Variants in SGCZ observed in about 807,000 individuals in gnomAD.
SGCZ encodes the protein sarcoglycan zeta, also known as zeta-sarcoglycan.
In SGCZ, 40 loss-of-function variants were observed where a neutral mutation model predicts 41.3. That is an observed-to-expected ratio of 0.97 (90% confidence interval 0.75 to 1.26). The LOEUF (loss-of-function observed/expected upper bound fraction) is 1.26, where lower values mean the gene tolerates loss of function less well. Among genes scored for constraint, SGCZ ranks in the 50% most tolerant of loss-of-function variants. The probability of loss-of-function intolerance (pLI) is 0.00; values close to 1 mark genes in which losing one functional copy is unlikely to be tolerated. For missense variants in SGCZ, 552 were observed against 369.8 expected (o/e 1.49, Z -4.04); for synonymous variants, 206 against 137.5 (o/e 1.50, Z -3.49).
At chr8:15,050,083 G>A (rs868204676) in intron 1 of SGCZ, among the ~76,000 whole-genome samples, 3 of 152,234 alleles carry the variant, frequency 2.0e-5, no homozygotes, top group Middle Eastern at 6.8e-3. Context: ...GAGAATGTAG[G>A]CACACACAGA....
At chr8:14,496,748 T>C (rs1424206758) in intron 2 of SGCZ, among the ~76,000 whole-genome samples, 6 of 152,204 alleles carry the variant, frequency 3.9e-5, no homozygotes, top group South Asian at 2.1e-4. Context: ...ACAGGCACTC[T>C]CATGTGTTTG....
chr8:14,367,377 A>G (rs1803751407), intron 2 of SGCZ, among the ~76,000 whole-genome samples: 1 of 151,966 alleles, frequency 6.6e-6, no homozygotes, highest in Admixed American at 6.6e-5. Flanking sequence ...AACTGTTCCA[A>G]ACTCTTTGCC....
At chr8:14,182,774 C>T (rs972931004) in intron 4 of SGCZ, among the ~76,000 whole-genome samples, 11 of 151,824 alleles carry the variant, frequency 7.2e-5, no homozygotes, top group African/African-American at 2.7e-4. Context: ...TTTGGGAGGC[C>T]GAGAGGGGGC....
intron 1 of SGCZ, among the ~76,000 whole-genome samples, chr8:15,192,866 T>G (rs1223366990): frequency 6.6e-6 from 1 of 152,080 alleles, no homozygotes; most frequent in Non-Finnish European, 1.5e-5. Context: ...TTTTGTTTTA[T>G]TTTAGATATA....
chr8:14,244,225 C>T (rs1798999663), intron 3 of SGCZ, among the ~76,000 whole-genome samples: 1 of 149,932 alleles, frequency 6.7e-6, no homozygotes, highest in African/African-American at 2.5e-5. Flanking sequence ...CTTCTTCCTC[C>T]TCCTTCTCTT....
At chr8:14,831,248 T>G (rs1802516642) in intron 1 of SGCZ, among the ~76,000 whole-genome samples, 1 of 152,186 alleles carries the variant, frequency 6.6e-6, no homozygotes, top group Admixed American at 6.5e-5. Context: ...TCATGGTGTT[T>G]CAGTTGTAGA....
At chr8:14,200,472 T>C (rs1220618092) in intron 4 of SGCZ, among the ~76,000 whole-genome samples, 2 of 152,150 alleles carry the variant, frequency 1.3e-5, no homozygotes, top group Admixed American at 1.3e-4. Context: ...TAAAGAATCA[T>C]GTACAGTGCA....
intron 2 of SGCZ, among the ~76,000 whole-genome samples, chr8:14,446,095 C>T (rs1208118190): frequency 2.0e-5 from 3 of 152,104 alleles, no homozygotes; most frequent in Non-Finnish European, 2.9e-5. Context: ...GCCATTTTTT[C>T]GTACCCAAGT....
chr8:14,925,133 T>C (rs1039765429), intron 1 of SGCZ, among the ~76,000 whole-genome samples: 1 of 152,164 alleles, frequency 6.6e-6, no homozygotes, highest in African/African-American at 2.4e-5. Flanking sequence ...GCTGGGATTA[T>C]AGGCGTGAGG....
chr8:14,577,178 T>C lies in SGCZ; in HGVS notation c.40-22252A>G, dbSNP rs2410196. 5.2e-3 allele frequency among the ~76,000 whole-genome samples: 787 copies of C among 152,250 alleles called. 6 individuals carry two copies. The highest frequency in any genetic ancestry group is 9.0e-3 in the Non-Finnish European group (613 of 68,018). On this transcript the variant is annotated intron_variant, in intron 1 of 7. Coordinates refer to ENST00000382080, the MANE Select transcript of SGCZ (RefSeq NM_139167.4). ...CCAATTAACTGGACAAATAAGCCCATTGTGTTATGTGGACTTAGTATCCAT... is the reference window on the plus strand; with the variant it reads ...CCAATTAACTGGACAAATAAGCCCACTGTGTTATGTGGACTTAGTATCCAT...
At chr8:15,061,337 A>C (rs112511180) in intron 1 of SGCZ, among the ~76,000 whole-genome samples, 11,588 of 151,726 alleles carry the variant, frequency 0.076, 674 homozygotes, top group East Asian at 0.29. Flanking sequence ...GAACAATGAG[A>C]ACACATGGAC....
At chr8:14,130,168 A>G (rs183504886) in intron 5 of SGCZ, among the ~76,000 whole-genome samples, 1 of 152,232 alleles carries the variant, frequency 6.6e-6, no homozygotes, top group East Asian at 1.9e-4. Context: ...TTAAAAAGAA[A>G]CTCACAAATA....
intron 1 of SGCZ, among the ~76,000 whole-genome samples, chr8:14,583,582 T>C (rs1804965658): frequency 6.6e-6 from 1 of 152,152 alleles, no homozygotes; most frequent in African/African-American, 2.4e-5. Flanking sequence ...TCCTTGCCCA[T>C]GCCTATGTCC....
At chr8:15,005,249 G>A (rs1802562525) in intron 1 of SGCZ, among the ~76,000 whole-genome samples, 2 of 151,792 alleles carry the variant, frequency 1.3e-5, no homozygotes, top group African/African-American at 2.4e-5. Context: ...ATCTCAAAAT[G>A]ATGGTAGCAG....
chr8:14,795,291 T>C (rs764959692), intron 1 of SGCZ, among the ~76,000 whole-genome samples: 3 of 152,200 alleles, frequency 2.0e-5, no homozygotes, highest in African/African-American at 7.2e-5. Context: ...TTACTTAACA[T>C]AGAAGAAAAT....
At chr8:14,957,133 A>G (rs918412399) in intron 1 of SGCZ, among the ~76,000 whole-genome samples, 3 of 152,198 alleles carry the variant, frequency 2.0e-5, no homozygotes, top group Non-Finnish European at 4.4e-5. Flanking sequence ...GATTGCAATT[A>G]TTATCATTAA....
intron 5 of SGCZ, among the ~76,000 whole-genome samples, chr8:14,111,957 C>G (rs1802383311): frequency 6.6e-6 from 1 of 152,148 alleles, no homozygotes; most frequent in Admixed American, 6.5e-5. Flanking sequence ...TCTGATGTGG[C>G]TATCTATATT....
chr8:14,193,655 C>T (rs1227270815), intron 4 of SGCZ, among the ~76,000 whole-genome samples: 7 of 151,882 alleles, frequency 4.6e-5, no homozygotes, highest in Non-Finnish European at 7.4e-5. Context: ...CTTTGTTACA[C>T]AAGTTTATGT....
intron 3 of SGCZ, among the ~76,000 whole-genome samples, chr8:14,290,354 A>G (rs1263911940): frequency 6.6e-6 from 1 of 152,088 alleles, no homozygotes; most frequent in Non-Finnish European, 1.5e-5. Context: ...AGAAAAACTA[A>G]AAAGCTTCTG....
Sources: gnomAD v4.1 joint callset for allele counts (sites outside exome capture counted in the v4.1 genomes callset) on GRCh38, gnomAD v4.1.1 for gene constraint, MANE v1.5 for transcripts, NCBI Gene and HGNC (gene_info 2026-07-23, HGNC 2026-07-21) for gene names.